DNAJB1: variants seen among roughly 807,000 people sequenced by gnomAD.
DNAJB1 encodes dnaJ homolog subfamily B member 1.
A neutral mutation model predicts 24.0 loss-of-function variants in DNAJB1; 14 were observed. The ratio of observed to expected loss-of-function variants is 0.58; its 90% CI spans 0.39 to 0.91. DNAJB1 has a LOEUF of 0.91. Ranked by LOEUF, DNAJB1 falls within the 40% of genes least tolerant of loss-of-function variation. The pLI is 0.00. For missense variants in DNAJB1, 517 were observed against 458.1 expected (o/e 1.13, Z -1.17); for synonymous variants, 262 against 174.4 (o/e 1.50, Z -3.96).
At chr19:14,545,418 G>C (rs1200069082) in intron 1 of DNAJB1, among the ~76,000 whole-genome samples, 1 of 151,408 alleles carries the variant, frequency 6.6e-6, no homozygotes, top group Non-Finnish European at 1.5e-5. Context: ...CTGCACCGCT[G>C]TCTCCTCTCC....
At chr19:14,527,500 A>G (rs964482280) in intron 2 of DNAJB1, 4 of 152,142 alleles carry the variant, frequency 2.6e-5, no homozygotes, top group African/African-American at 9.7e-5. Context: ...TTTTGAAAGC[A>G]CACATACAGA....
At chr19:14,557,998 G>A (rs368887696) in intron 1 of DNAJB1, among the ~76,000 whole-genome samples, 1 of 151,922 alleles carries the variant, frequency 6.6e-6, no homozygotes, top group Non-Finnish European at 1.5e-5. Flanking sequence ...CTCGTGATTC[G>A]CCCGCCTCGG....
At chr19:14,517,353 G>A in intron 1 of DNAJB1, 3 of 333,406 alleles carry the variant, frequency 9.0e-6, no homozygotes, top group Non-Finnish European at 1.7e-5. Flanking sequence ...CCAAGAGATG[G>A]CTAAAGACAC....
At chr19:14,521,897 C>T (rs534856209), upstream of DNAJB1, among the ~76,000 whole-genome samples, 2 of 152,278 alleles carry the variant, frequency 1.3e-5, no homozygotes, top group East Asian at 1.9e-4. Context: ...GCTGGGATTA[C>T]AGGCGTGAGC....
intron 1 of DNAJB1, among the ~76,000 whole-genome samples, chr19:14,543,444 T>A (rs1265763793): frequency 0.084 from 5,054 of 60,508 alleles, 540 homozygotes; most frequent in Non-Finnish European, 0.12. Context: ...TTTTTTTTTT[T>A]TTTTTTTTTT....
chr19:14,530,321 CT>C (rs576546578), upstream of DNAJB1: 926 of 155,748 alleles, frequency 5.9e-3, 15 homozygotes, highest in African/African-American at 0.02. Flanking sequence ...CACAGCCACT[CT>C]TGAAGCCCAA....
At chr19:14,545,010 C>CCTCCCTGGTCCAAG in intron 1 of DNAJB1, 1 of 443,572 alleles carries the variant, frequency 2.3e-6, no homozygotes, top group South Asian at 1.6e-5. Flanking sequence ...TTCTCTGTTC[C>CCTCCCTGGTCCAAG]CTCCCTGGTC....
chr19:14,560,114 T>C (rs1454787598), exon 1 of DNAJB1, among the ~76,000 whole-genome samples: 1 of 152,122 alleles, frequency 6.6e-6, no homozygotes. Flanking sequence ...GTGGCCCCTC[T>C]CTCGCTACCC....
intron 1 of DNAJB1, among the ~76,000 whole-genome samples, chr19:14,545,369 G>A (rs1409590914): frequency 1.3e-5 from 2 of 152,128 alleles, no homozygotes; most frequent in South Asian, 4.2e-4. Context: ...TCCTCAGCAG[G>A]GTCCTCCCGG....
At chr19:14,551,311 G>C (rs568418782), upstream of DNAJB1, among the ~76,000 whole-genome samples, 4 of 150,736 alleles carry the variant, frequency 2.7e-5, no homozygotes, top group South Asian at 6.4e-4. Context: ...CTGACCTCAG[G>C]TGATCCACCC....
rs377601762 is a variant in DNAJB1 at position 14,515,928 on chromosome 19, G to T, written c.*12C>A. 6.2e-7 allele frequency: 1 copy of T among 1,605,130 alleles called. No individual in the cohort carries two copies. The highest frequency in any genetic ancestry group is 1.4e-5 in the African/African-American group (1 of 73,956). ...GAAAGGTCCCTGGTCAGTCCTTGGGGAGCTCAGATAGCTATATTGGAAGAA... is the reference window on the plus strand; with the variant it reads ...GAAAGGTCCCTGGTCAGTCCTTGGGTAGCTCAGATAGCTATATTGGAAGAA... On this transcript the variant is annotated 3_prime_UTR_variant, in exon 3 of 3. Coordinates refer to ENST00000254322, the MANE Select transcript of DNAJB1 (RefSeq NM_006145.3).
At chr19:14,536,959 A>G (rs1599420071) in intron 1 of DNAJB1, among the ~76,000 whole-genome samples, 1 of 45,718 alleles carries the variant, frequency 2.2e-5, no homozygotes, top group African/African-American at 8.7e-5. Context: ...AGATGTGGGG[A>G]GGAGGGGCCG....
chr19:14,529,619 G>T (rs770226681), upstream of DNAJB1: 3 of 1,609,416 alleles, frequency 1.9e-6, no homozygotes, highest in South Asian at 2.2e-5. Context: ...GCGGTTGCGA[G>T]CGCTGTAGGG....
At chr19:14,532,547 A>C (rs1416040984), upstream of DNAJB1, 5 of 151,616 alleles carry the variant, frequency 3.3e-5, no homozygotes, top group South Asian at 2.1e-4. Context: ...GGAAGCTTCA[A>C]ACTCACTGTT....
upstream of DNAJB1, among the ~76,000 whole-genome samples, chr19:14,553,103 ATCC>A (rs2073594108): frequency 1.3e-5 from 2 of 151,908 alleles, no homozygotes; most frequent in South Asian, 4.2e-4. Context: ...TGCCATATTC[ATCC>A]TCTATGAATG....
chr19:14,518,426 C>A, upstream of DNAJB1: 4 of 1,237,346 alleles, frequency 3.2e-6, no homozygotes, highest in Non-Finnish European at 4.2e-6. Context: ...ACTCTATATA[C>A]CCGTCCGGCG....
At chr19:14,518,052 C>T in intron 1 of DNAJB1, 87 bp downstream of exon 1, 2 of 1,330,448 alleles carry the variant, frequency 1.5e-6, no homozygotes, top group Non-Finnish European at 9.7e-7. Context: ...GGGCGTCCTT[C>T]CCGGGGGGCC....
chr19:14,556,811 A>G (rs2073742770), intron 1 of DNAJB1, among the ~76,000 whole-genome samples: 1 of 152,046 alleles, frequency 6.6e-6, no homozygotes, highest in Non-Finnish European at 1.5e-5. Flanking sequence ...GGCGGGAGTA[A>G]GTCTGTGCGG....
At chr19:14,538,128 G>A (rs2072970169) in intron 1 of DNAJB1, among the ~76,000 whole-genome samples, 1 of 152,184 alleles carries the variant, frequency 6.6e-6, no homozygotes, top group African/African-American at 2.4e-5. Flanking sequence ...CTACTTGACT[G>A]ATGGAGAAAC....
Sources: allele counts gnomAD v4.1 joint callset (sites outside exome capture counted in the v4.1 genomes callset), GRCh38; gene constraint gnomAD v4.1.1; transcripts MANE v1.5; gene names NCBI Gene and HGNC (gene_info 2026-07-23, HGNC 2026-07-21).